Variants in TNRC6B observed in about 807,000 individuals in gnomAD.
The protein encoded by TNRC6B is trinucleotide repeat containing adaptor 6B, also known as trinucleotide repeat-containing gene 6B protein.
TNRC6B carries 52 observed loss-of-function variants against 203.6 expected under a neutral mutation model. The observed-to-expected ratio is 0.26, with a 90% CI of 0.20 to 0.32. The LOEUF (loss-of-function observed/expected upper bound fraction) is 0.32. Among genes scored for constraint, TNRC6B ranks in the 10% least tolerant of loss-of-function variants. The pLI is 1.00. For missense variants in TNRC6B, 1,923 were observed against 2,286.2 expected (o/e 0.84, Z 3.24); for synonymous variants, 838 against 845.7 (o/e 0.99, Z 0.16).
rs2070475032 is a variant in TNRC6B at position 40,266,082 on chromosome 22, C to T, written c.1852C>T (p.Leu618Phe). Residue 618 changes from leucine (L) to phenylalanine (F), a missense_variant, in exon 5 of 23, where the codon CTC becomes TTC. Physicochemically the swap from Leu to Phe is conservative, Grantham distance 22. This residue lies in a region of TNRC6B where 38 missense variants were observed against 70.3 expected (regional missense o/e 0.54). Transcript: ENST00000454349. The part of the protein sequence containing the change: ...LSRTDLDPRV[L>F]SNTGWGQTQI... ...CCGAACTGATTTGGACCCCAGGGTG[C>T]TCTCAAACACTGGCTGGGGCCAAAC... 1 of 1,613,772 alleles carries T rather than the reference C, an allele frequency of 6.2e-7. No homozygotes were observed.
chr22:40,132,969 A>AAAAAATAC, intron 3 of TNRC6B, among the ~76,000 whole-genome samples: 1 of 78,190 alleles, frequency 1.3e-5, no homozygotes, highest in South Asian at 6.2e-4. Flanking sequence ...AAAAAAAAAA[A>AAAAAATAC]ATATATATAT....
chr22:40,124,171 G>A (rs1014221201), intron 2 of TNRC6B, among the ~76,000 whole-genome samples: 10 of 152,132 alleles, frequency 6.6e-5, no homozygotes, highest in Admixed American at 2.0e-4. Flanking sequence ...CCACCCAGTA[G>A]ATGAGGCAAC....
intron 4 of TNRC6B, among the ~76,000 whole-genome samples, chr22:40,159,680 A>ATAAC (rs56880982): frequency 6.6e-6 from 1 of 151,108 alleles, no homozygotes; most frequent in African/African-American, 2.4e-5. Context: ...AAAAAAAGAA[A>ATAAC]GGTGAAACCC....
At chr22:40,282,443 T>C (rs2070730711) in intron 11 of TNRC6B, among the ~76,000 whole-genome samples, 1 of 152,234 alleles carries the variant, frequency 6.6e-6, no homozygotes, top group Non-Finnish European at 1.5e-5. Flanking sequence ...CATGGATATA[T>C]ACTGTTTATA....
chr22:40,098,563 AAGTCATAG>A (rs2068206047), intron 1 of TNRC6B, among the ~76,000 whole-genome samples: 1 of 152,132 alleles, frequency 6.6e-6, no homozygotes, highest in African/African-American at 2.4e-5. Context: ...AAATTGTTCT[AAGTCATAG>A]AAAAGATTTA....
intron 3 of TNRC6B, among the ~76,000 whole-genome samples, chr22:40,254,610 G>A (rs377584393): frequency 1.3e-5 from 2 of 152,202 alleles, no homozygotes; most frequent in African/African-American, 4.8e-5. Flanking sequence ...TTAATAGGCC[G>A]AGCGCGGTGG....
rs147700709 is a variant in TNRC6B at position 40,197,576 on chromosome 22, C to T, written c.5+19436C>T. On this transcript the variant is annotated intron_variant, in intron 1 of 22. Transcript: ENST00000454349. Reference sequence around the variant, plus strand: ...TGCTGAGATTACAAGCATGAGCCACCGCACCCAGCCGAAAGGCGTTTTTCT... The same window carrying T: ...TGCTGAGATTACAAGCATGAGCCACTGCACCCAGCCGAAAGGCGTTTTTCT... Among the ~76,000 whole-genome samples the T allele has an allele frequency of 2.0e-3, 299 of 151,512 alleles. 4 individuals are homozygous for T. Among genetic ancestry groups the T allele is most frequent in the Non-Finnish European group, 3.2e-3 (216 of 67,822 alleles).
chr22:40,103,633 CT>C (rs200514352), intron 1 of TNRC6B, among the ~76,000 whole-genome samples: 10 of 151,250 alleles, frequency 6.6e-5, no homozygotes, highest in African/African-American at 9.7e-5. Context: ...AGTAATAATT[CT>C]TTTTTTTTCT....
chr22:40,120,208 A>G (rs957355330), intron 2 of TNRC6B, among the ~76,000 whole-genome samples: 2 of 152,128 alleles, frequency 1.3e-5, no homozygotes, highest in South Asian at 4.2e-4. Context: ...AAATACAAAA[A>G]TTAGCTGGGC....
chr22:40,085,967 C>T (rs940889570), intron 1 of TNRC6B, among the ~76,000 whole-genome samples: 1 of 152,058 alleles, frequency 6.6e-6, no homozygotes, highest in African/African-American at 2.4e-5. Flanking sequence ...ACCTCCCGGG[C>T]TCAGGTGATC....
At chr22:40,253,744 T>C (rs763697357) in intron 3 of TNRC6B, 7 of 455,796 alleles carry the variant, frequency 1.5e-5, no homozygotes, top group African/African-American at 4.0e-5. Context: ...GCCTGACCTT[T>C]CTATTGTTGG....
intron 21 of TNRC6B, among the ~76,000 whole-genome samples, chr22:40,319,937 G>A (rs544900312): frequency 3.3e-5 from 5 of 152,298 alleles, no homozygotes; most frequent in Admixed American, 2.0e-4. Context: ...TATCTAGAGA[G>A]CATCTATCCT....
chr22:40,074,750 G>T (rs1398594712), intron 1 of TNRC6B, among the ~76,000 whole-genome samples: 1 of 151,816 alleles, frequency 6.6e-6, no homozygotes, highest in Non-Finnish European at 1.5e-5. Flanking sequence ...CTGCACTCCA[G>T]CCTGGGTGAC....
rs560834050 is a variant in TNRC6B at position 40,282,986 on chromosome 22, T to C, written c.3582+1697T>C. On this transcript the variant is annotated intron_variant, in intron 11 of 22. Transcript: ENST00000454349. ...CCACACAAACCTGCATTAGCACATA[T>C]ACAAGTGCCTTTTTTCTCCCGTTTA... is the stretch of plus-strand genomic sequence containing the variant. Among the ~76,000 whole-genome samples, 7 of 152,224 alleles carry C rather than the reference T, an allele frequency of 4.6e-5. No individual in the cohort carries two copies. The South Asian group carries it at 1.5e-3, about 32-fold the overall frequency.
intron 3 of TNRC6B, among the ~76,000 whole-genome samples, chr22:40,150,497 A>G (rs1289876167): frequency 2.6e-5 from 4 of 152,240 alleles, no homozygotes; most frequent in Admixed American, 6.5e-5. Flanking sequence ...GAAGCTGGGA[A>G]GCTTTTGGAA....
chr22:40,212,585 CTG>C (rs2069579631), intron 1 of TNRC6B, among the ~76,000 whole-genome samples: 1 of 152,218 alleles, frequency 6.6e-6, no homozygotes, highest in African/African-American at 2.4e-5. Flanking sequence ...ATAGTGTCCT[CTG>C]TGGCTGGGCA....
chr22:40,195,927 G>A (rs1392089086), intron 1 of TNRC6B, among the ~76,000 whole-genome samples: 3 of 151,966 alleles, frequency 2.0e-5, no homozygotes, highest in Non-Finnish European at 2.9e-5. Flanking sequence ...CCGCCACCAC[G>A]CCCAGCTAAT....
At chr22:40,132,944 A>AAAAAT (rs1491262432) in intron 3 of TNRC6B, among the ~76,000 whole-genome samples, 4 of 12,562 alleles carry the variant, frequency 3.2e-4, no homozygotes, top group Admixed American at 1.5e-3. Flanking sequence ...ACTCTGTCTC[A>AAAAAT]AAAAAAAAAA....
chr22:40,278,989 C>A (rs1224424063), intron 9 of TNRC6B, among the ~76,000 whole-genome samples: 1 of 152,246 alleles, frequency 6.6e-6, no homozygotes, highest in Non-Finnish European at 1.5e-5. Flanking sequence ...GATCCACCTT[C>A]CTCGCCTTCC....
Sources: gnomAD v4.1 joint callset for allele counts (sites outside exome capture counted in the v4.1 genomes callset) on GRCh38, gnomAD v4.1.1 for gene constraint, gnomAD v4.1.1 regional missense constraint, MANE v1.5 for transcripts, NCBI Gene and HGNC (gene_info 2026-07-23, HGNC 2026-07-21) for gene names.